AGBL1: variants seen among roughly 807,000 people sequenced by gnomAD.
AGBL1 encodes cytosolic carboxypeptidase 4.
In AGBL1, 130 loss-of-function variants were observed where a neutral mutation model predicts 118.9. That is an observed-to-expected ratio of 1.09 (90% CI 0.95 to 1.26). The LOEUF (loss-of-function observed/expected upper bound fraction) is 1.26, where lower values mean the gene tolerates loss of function less well. Among genes scored for constraint, AGBL1 ranks in the 50% most tolerant of loss-of-function variants. AGBL1 has a pLI of 0.00. For synonymous variants in AGBL1, 555 were observed against 478.9 expected (o/e 1.16, Z -2.08); for missense variants, 1,584 against 1,298.1 (o/e 1.22, Z -3.38).
chr15:86,537,628 A>G (rs192008235), intron 19 of AGBL1, among the ~76,000 whole-genome samples: 46 of 152,318 alleles, frequency 3.0e-4, no homozygotes, highest in African/African-American at 1.1e-3. Flanking sequence ...GAGTTTTGTT[A>G]TATTGTTCTT....
rs1385052488 is a variant in AGBL1, at chr15:86,851,719, G to A, written c.3159-55368G>A. 2.6e-5 allele frequency among the ~76,000 whole-genome samples: 4 copies of A among 152,088 alleles called. No homozygotes were observed. In the East Asian group the frequency reaches 7.7e-4, roughly 29 times the overall value. On this transcript the variant is annotated intron_variant, in intron 22 of 22. Transcript: ENST00000614907. ...GGGCAGTAGCAGGAAAGAAAGGCAG[G>A]GCATTAACTTGAACCTGGATGGGGA...
chr15:87,018,782 T>G (rs1318780108), intron 24 of AGBL1, among the ~76,000 whole-genome samples: 1 of 152,016 alleles, frequency 6.6e-6, no homozygotes, highest in African/African-American at 2.4e-5. Context: ...ATACAAAGCT[T>G]AAATGTTAAT....
At chr15:86,148,309 G>A (rs1331802767) in intron 3 of AGBL1, among the ~76,000 whole-genome samples, 1 of 152,124 alleles carries the variant, frequency 6.6e-6, no homozygotes, top group Non-Finnish European at 1.5e-5. Context: ...GGCTTCAAAA[G>A]GTCGGTAATA....
At chr15:86,394,857 G>A (rs2081339709) in intron 17 of AGBL1, among the ~76,000 whole-genome samples, 1 of 152,122 alleles carries the variant, frequency 6.6e-6, no homozygotes, top group African/African-American at 2.4e-5. Context: ...ACACTTAAAT[G>A]TCACTGGACA....
chr15:86,168,511 T>G (rs1270586318), intron 5 of AGBL1, among the ~76,000 whole-genome samples: 1 of 152,198 alleles, frequency 6.6e-6, no homozygotes, highest in Non-Finnish European at 1.5e-5. Flanking sequence ...AAGATTTATG[T>G]GCAAAAATAT....
intron 6 of AGBL1, among the ~76,000 whole-genome samples, chr15:86,236,932 C>CGGGGG (rs1261815080): frequency 2.1e-4 from 2 of 9,372 alleles, no homozygotes; most frequent in African/African-American, 4.4e-4. Context: ...GATATGTGGG[C>CGGGGG]GGGGGGGGGC....
chr15:87,010,858 C>T (rs1467011569), intron 24 of AGBL1, among the ~76,000 whole-genome samples: 1 of 152,164 alleles, frequency 6.6e-6, no homozygotes, highest in Non-Finnish European at 1.5e-5. Flanking sequence ...ACCCACCTAC[C>T]TATCTATCTG....
At chr15:86,667,534 A>G (rs1052674694) in intron 21 of AGBL1, among the ~76,000 whole-genome samples, 2 of 152,190 alleles carry the variant, frequency 1.3e-5, no homozygotes, top group Non-Finnish European at 2.9e-5. Flanking sequence ...ATGAATAAAT[A>G]TTAGACTGTT....
chr15:86,696,105 T>G (rs2086252808), intron 22 of AGBL1, among the ~76,000 whole-genome samples: 1 of 151,996 alleles, frequency 6.6e-6, no homozygotes, highest in South Asian at 2.1e-4. Flanking sequence ...GTTCATTTGT[T>G]TTAGGGTATA....
At chr15:86,932,694 G>A (rs1178503805) in intron 23 of AGBL1, among the ~76,000 whole-genome samples, 2 of 152,078 alleles carry the variant, frequency 1.3e-5, no homozygotes, top group Non-Finnish European at 2.9e-5. Flanking sequence ...CATCAACTAT[G>A]GCTGACTCCC....
chr15:86,303,000 G>A (rs1170493206), intron 17 of AGBL1, among the ~76,000 whole-genome samples: 1 of 152,090 alleles, frequency 6.6e-6, no homozygotes, highest in African/African-American at 2.4e-5. Flanking sequence ...GTTTTGGAAA[G>A]TTTTGTGGCA....
At chr15:86,177,648 G>C (rs1186511757) in intron 5 of AGBL1, among the ~76,000 whole-genome samples, 2 of 152,264 alleles carry the variant, frequency 1.3e-5, no homozygotes, top group South Asian at 2.1e-4. Flanking sequence ...GTTTCTGTAA[G>C]AGTCCCCAAA....
intron 17 of AGBL1, among the ~76,000 whole-genome samples, chr15:86,302,254 C>T (rs536978233): frequency 1.1e-4 from 16 of 152,172 alleles, no homozygotes; most frequent in South Asian, 2.1e-4. Flanking sequence ...ATATTTTATT[C>T]TTATACAGTT....
intron 22 of AGBL1, among the ~76,000 whole-genome samples, chr15:86,817,756 C>T (rs2078886064): frequency 6.6e-6 from 1 of 151,972 alleles, no homozygotes; most frequent in South Asian, 2.1e-4. Context: ...TTCCCACTCT[C>T]AATGAATGTG....
intron 22 of AGBL1, among the ~76,000 whole-genome samples, chr15:86,901,330 G>A (rs979594805): frequency 1.5e-4 from 23 of 151,810 alleles, no homozygotes; most frequent in African/African-American, 5.1e-4. Context: ...TTTTCATAAT[G>A]TATTTTCTTA....
At chr15:86,559,225 G>C (rs1168871712) in intron 21 of AGBL1, among the ~76,000 whole-genome samples, 1 of 152,084 alleles carries the variant, frequency 6.6e-6, no homozygotes, top group Non-Finnish European at 1.5e-5. Flanking sequence ...AATTATATCT[G>C]TAGTGAACCT....
At position 86,635,285 on chromosome 15, in the gene AGBL1, C is replaced by T. The variant is rs865887541; in HGVS notation, c.2995-38988C>T. 4.1e-4 allele frequency among the ~76,000 whole-genome samples: 28 copies of T among 68,900 alleles called. No individual in the cohort carries two copies. In the South Asian group the frequency reaches 0.026, roughly 63 times the overall value. The allele number at this position is 68,900 out of a possible 152,430, so 45.2% of individuals were successfully genotyped here. On this transcript the variant is annotated intron_variant, in intron 21 of 22. Coordinates refer to ENST00000614907, the MANE Select transcript of AGBL1 (RefSeq NM_001386094.1). ...CCCCCTCCTCCTCCTCCTCCTTCCC[C>T]TCCCCCTCCCCCTCCCCTCCTCCTC...
At chr15:86,857,260 C>T (rs2079496189) in intron 22 of AGBL1, among the ~76,000 whole-genome samples, 2 of 152,170 alleles carry the variant, frequency 1.3e-5, no homozygotes, top group Non-Finnish European at 2.9e-5. Context: ...CCACAGTGAA[C>T]TTAAAAACTG....
chr15:86,503,704 G>A (rs1051786123), intron 18 of AGBL1, among the ~76,000 whole-genome samples: 1 of 151,208 alleles, frequency 6.6e-6, no homozygotes, highest in African/African-American at 2.4e-5. Flanking sequence ...TTATTTAGGA[G>A]TGCATTGTTT....
Sources: gnomAD v4.1 joint callset for allele counts (sites outside exome capture counted in the v4.1 genomes callset) on GRCh38, gnomAD v4.1.1 for gene constraint, MANE v1.5 for transcripts, NCBI Gene and HGNC (gene_info 2026-07-23, HGNC 2026-07-21) for gene names.